Variants in SLC30A8 observed in about 807,000 individuals in gnomAD.
SLC30A8 encodes proton-coupled zinc antiporter SLC30A8.
Under a neutral mutation model 36.9 loss-of-function variants are expected in SLC30A8, and 27 were observed. The ratio of observed to expected loss-of-function variants is 0.73; its 90% CI spans 0.54 to 1.01. The LOEUF (loss-of-function observed/expected upper bound fraction) is 1.01, where lower values mean the gene tolerates loss of function less well. Among genes scored for constraint, SLC30A8 ranks in the 50% least tolerant of loss-of-function variants. SLC30A8 has a pLI of 0.00. For missense variants in SLC30A8, 439 were observed against 452.0 expected (o/e 0.97, Z 0.26); for synonymous variants, 164 against 172.4 (o/e 0.95, Z 0.38).
chr8:117,061,811 T>A (rs1818030803), intron 2 of SLC30A8, among the ~76,000 whole-genome samples: 1 of 152,106 alleles, frequency 6.6e-6, no homozygotes, highest in South Asian at 2.1e-4. Flanking sequence ...CTGAGAGTCA[T>A]CTTAGCAGGG....
chr8:116,950,495 T>G (rs954301344), upstream of SLC30A8: 1 of 152,212 alleles, frequency 6.6e-6, no homozygotes, highest in Non-Finnish European at 1.5e-5. Context: ...AGCCATTTTG[T>G]TTTTTGGCAA....
chr8:117,045,788 A>G (rs1162655480), intron 2 of SLC30A8, among the ~76,000 whole-genome samples: 1 of 152,162 alleles, frequency 6.6e-6, no homozygotes, highest in African/African-American at 2.4e-5. Context: ...TGTTTGTTTA[A>G]CATTTGGACA....
At chr8:116,978,176 A>G (rs544875804) in intron 1 of SLC30A8, among the ~76,000 whole-genome samples, 83 of 152,144 alleles carry the variant, frequency 5.5e-4, no homozygotes, top group Non-Finnish European at 9.9e-4. Context: ...GTCCTGGTCT[A>G]TCAACATACT....
At chr8:117,153,690 C>T (rs1822310950) in intron 3 of SLC30A8, among the ~76,000 whole-genome samples, 1 of 151,568 alleles carries the variant, frequency 6.6e-6, no homozygotes. Flanking sequence ...ACTGCTTACT[C>T]TTGTATAGGC....
At position 117,112,677 on chromosome 8, in the gene SLC30A8, A is replaced by G. The variant is rs187579563; in HGVS notation, c.-225-22603A>G. Among the ~76,000 whole-genome samples, 14 of 152,282 alleles carry G rather than the reference A, an allele frequency of 9.2e-5. No homozygotes were observed. In the East Asian group the frequency reaches 2.1e-3, roughly 23 times the overall value. ...CTTCAAAGCATAAAAAGTACTTGGA[A>G]AAAAGTCATCATATTACTTGTAGGG... On this transcript the variant is annotated intron_variant, in intron 2 of 10. Coordinates refer to the SLC30A8 transcript ENST00000427715.
At chr8:116,992,340 A>G (rs1285353608) in intron 1 of SLC30A8, among the ~76,000 whole-genome samples, 1 of 152,160 alleles carries the variant, frequency 6.6e-6, no homozygotes, top group Non-Finnish European at 1.5e-5. Flanking sequence ...GAATAATTAT[A>G]AACGTTGGAT....
chr8:117,113,152 G>A (rs758544860), intron 2 of SLC30A8, among the ~76,000 whole-genome samples: 23 of 152,236 alleles, frequency 1.5e-4, no homozygotes, highest in Admixed American at 1.4e-3. Flanking sequence ...ACAGACAAAC[G>A]GAATCAGCTT....
chr8:116,967,493 A>C (rs1254062440), intron 1 of SLC30A8, among the ~76,000 whole-genome samples: 1 of 152,152 alleles, frequency 6.6e-6, no homozygotes, highest in Non-Finnish European at 1.5e-5. Context: ...CCTGATTTCT[A>C]TACTGATTAT....
At chr8:117,015,651 C>CT (rs1447418739) in intron 1 of SLC30A8, among the ~76,000 whole-genome samples, 10 of 151,874 alleles carry the variant, frequency 6.6e-5, no homozygotes, top group Non-Finnish European at 1.3e-4. Flanking sequence ...TCCCACCCAC[C>CT]TTTTTTTTCT....
At chr8:117,145,304 T>C (rs1821848413) in intron 1 of SLC30A8, among the ~76,000 whole-genome samples, 2 of 152,102 alleles carry the variant, frequency 1.3e-5, no homozygotes, top group Non-Finnish European at 2.9e-5. Flanking sequence ...CACAATAAAA[T>C]ATCAATAATA....
Position 117,023,049 on chromosome 8 carries a change from A to C in SLC30A8, c.-265-16170A>C, listed in dbSNP as rs1266160169. 2.0e-5 allele frequency among the ~76,000 whole-genome samples: 3 copies of C among 152,256 alleles called. No individual in the cohort carries two copies. The East Asian group carries it at 5.8e-4, about 29-fold the overall frequency. On this transcript the variant is annotated intron_variant, in intron 1 of 10. Transcript: ENST00000427715. ...TTACAAGAAAAAAAACAACCCCATCAACAAGTGGGTGAAGGATATGAACAG... is the reference window on the plus strand; with the variant it reads ...TTACAAGAAAAAAAACAACCCCATCCACAAGTGGGTGAAGGATATGAACAG...
At chr8:117,125,396 C>T (rs1219284657) in intron 2 of SLC30A8, among the ~76,000 whole-genome samples, 1 of 151,998 alleles carries the variant, frequency 6.6e-6, no homozygotes, top group Non-Finnish European at 1.5e-5. Context: ...AATTTCCATT[C>T]CTACTTCTTG....
chr8:117,071,151 A>G (rs1188804867), intron 2 of SLC30A8, among the ~76,000 whole-genome samples: 2 of 152,198 alleles, frequency 1.3e-5, no homozygotes, highest in Non-Finnish European at 2.9e-5. Context: ...ATACTAATTT[A>G]TAGTCCCACC....
chr8:117,115,807 GC>G (rs1820418942), intron 2 of SLC30A8, among the ~76,000 whole-genome samples: 1 of 152,038 alleles, frequency 6.6e-6, no homozygotes, highest in Non-Finnish European at 1.5e-5. Context: ...ATGAGGAGGG[GC>G]TAGCTGTTCT....
intron 2 of SLC30A8, among the ~76,000 whole-genome samples, chr8:117,097,065 G>A (rs917695523): frequency 3.3e-5 from 5 of 151,830 alleles, no homozygotes; most frequent in African/African-American, 9.7e-5. Flanking sequence ...ACTGGAAGAG[G>A]GAGAGAGATA....
At chr8:117,157,027 G>A (rs1033114642) in intron 3 of SLC30A8, among the ~76,000 whole-genome samples, 2 of 152,274 alleles carry the variant, frequency 1.3e-5, no homozygotes, top group South Asian at 4.2e-4. Flanking sequence ...TCCTAAGTGA[G>A]CAAATGCACT....
intron 1 of SLC30A8, among the ~76,000 whole-genome samples, chr8:117,026,778 C>T (rs1816888433): frequency 6.6e-6 from 1 of 152,162 alleles, no homozygotes; most frequent in African/African-American, 2.4e-5. Flanking sequence ...CTATGCTATG[C>T]AATCTGGATA....
upstream of SLC30A8, chr8:116,950,945 A>C (rs917195258): frequency 2.0e-5 from 3 of 152,210 alleles, no homozygotes; most frequent in Admixed American, 2.0e-4. Flanking sequence ...CCGTGAGGCT[A>C]TTGAATTTTA....
At chr8:117,046,756 T>C (rs1817564340) in intron 2 of SLC30A8, among the ~76,000 whole-genome samples, 1 of 152,242 alleles carries the variant, frequency 6.6e-6, no homozygotes, top group African/African-American at 2.4e-5. Context: ...TGTCTGCCTC[T>C]TTCTATAGCT....
Sources: gnomAD v4.1 joint callset for allele counts (sites outside exome capture counted in the v4.1 genomes callset) on GRCh38, gnomAD v4.1.1 for gene constraint, MANE v1.5 for transcripts, NCBI Gene and HGNC (gene_info 2026-07-23, HGNC 2026-07-21) for gene names.